ADAMTS3: variants seen among roughly 807,000 people sequenced by gnomAD.
The protein encoded by ADAMTS3 is A disintegrin and metalloproteinase with thrombospondin motifs 3.
In ADAMTS3, 73 loss-of-function variants were observed where a neutral mutation model predicts 129.0. The ratio of observed to expected loss-of-function variants is 0.57; its 90% confidence interval spans 0.47 to 0.69. The LOEUF is 0.69. ADAMTS3 is among the 30% of genes least tolerant of loss of function. The pLI, the probability that ADAMTS3 is intolerant of heterozygous loss-of-function variation, is 0.00. For synonymous variants in ADAMTS3, 477 were observed against 510.8 expected (o/e 0.93, Z 0.89); for missense variants, 1,457 against 1,514.5 (o/e 0.96, Z 0.63).
intron 3 of ADAMTS3, among the ~76,000 whole-genome samples, chr4:72,534,210 C>A (rs1156860637): frequency 1.3e-5 from 2 of 152,204 alleles, no homozygotes; most frequent in Admixed American, 1.3e-4. Context: ...GCCTGCAGTC[C>A]AAGCTACTCA....
At chr4:72,347,243 C>A (rs1281008743) in intron 4 of ADAMTS3, among the ~76,000 whole-genome samples, 1 of 151,120 alleles carries the variant, frequency 6.6e-6, no homozygotes, top group Non-Finnish European at 1.5e-5. Flanking sequence ...TTTCACAAAC[C>A]AATAAACTAC....
intron 3 of ADAMTS3, among the ~76,000 whole-genome samples, chr4:72,539,684 G>A (rs1721273845): frequency 6.6e-6 from 1 of 152,052 alleles, no homozygotes; most frequent in Non-Finnish European, 1.5e-5. Flanking sequence ...GAACCTGGTG[G>A]GAGGTGACTG....
chr4:72,565,397 ATTTCACCAAATCTCCAGG>A (rs1218445202), intron 2 of ADAMTS3, among the ~76,000 whole-genome samples: 1 of 152,212 alleles, frequency 6.6e-6, no homozygotes, highest in Non-Finnish European at 1.5e-5. Context: ...TCAGGAGTGC[ATTTCACCAAATCTCCAGG>A]TTAGCAGTGT....
chr4:72,289,336 T>C (rs1718598790), intron 20 of ADAMTS3, among the ~76,000 whole-genome samples: 1 of 152,184 alleles, frequency 6.6e-6, no homozygotes, highest in Admixed American at 6.5e-5. Context: ...GTATTGACAG[T>C]CCTCACTTCT....
intron 3 of ADAMTS3, among the ~76,000 whole-genome samples, chr4:72,513,791 T>C (rs751458466): frequency 3.9e-5 from 6 of 152,142 alleles, no homozygotes; most frequent in South Asian, 2.1e-4. Flanking sequence ...ATCACCCACA[T>C]AGAGAACATT....
chr4:72,325,252 T>C (rs1217939548), intron 5 of ADAMTS3, among the ~76,000 whole-genome samples: 1 of 152,122 alleles, frequency 6.6e-6, no homozygotes, highest in Non-Finnish European at 1.5e-5. Flanking sequence ...AAAAAGTCAA[T>C]GTTAGACAAA....
At chr4:72,539,829 C>T (rs1051170703) in intron 3 of ADAMTS3, among the ~76,000 whole-genome samples, 2 of 152,184 alleles carry the variant, frequency 1.3e-5, no homozygotes, top group Non-Finnish European at 2.9e-5. Flanking sequence ...ATGTGACTTG[C>T]TCCTCCTTGC....
chr4:72,552,674 G>C (rs910466026), intron 2 of ADAMTS3, among the ~76,000 whole-genome samples: 1 of 152,126 alleles, frequency 6.6e-6, no homozygotes. Context: ...AGGGCTTGAA[G>C]CTGGGGATTC....
chr4:72,314,122 A>T lies in ADAMTS3; in HGVS notation c.1600-300T>A, dbSNP rs114871815. ...TATAATCAATAAGAACTCTTTGAGC[A>T]CCCAGCTTGCACAGTTGGTAAGATT... is the stretch of plus-strand genomic sequence containing the variant. On this transcript the variant is annotated intron_variant, in intron 11 of 21. Transcript: ENST00000286657. Among the ~76,000 whole-genome samples the T allele has an allele frequency of 6.1e-3, 922 of 152,240 alleles. 3 individuals are homozygous for T. The highest frequency in any genetic ancestry group is 0.021 in the African/African-American group (879 of 41,548).
At chr4:72,315,458 G>A (rs1337334558) in intron 11 of ADAMTS3, among the ~76,000 whole-genome samples, 3 of 152,184 alleles carry the variant, frequency 2.0e-5, no homozygotes, top group African/African-American at 4.8e-5. Flanking sequence ...TGTGGCCACA[G>A]AAGCAGAAAC....
chr4:72,429,870 C>T (rs962771021), intron 3 of ADAMTS3, among the ~76,000 whole-genome samples: 1 of 151,922 alleles, frequency 6.6e-6, no homozygotes. Context: ...TCAACATCTC[C>T]TGGACAGTGT....
chr4:72,297,330 A>G (rs1161072229), intron 18 of ADAMTS3, among the ~76,000 whole-genome samples: 1 of 152,140 alleles, frequency 6.6e-6, no homozygotes, highest in Admixed American at 6.6e-5. Context: ...GGAGGGTCCA[A>G]ATTAAATAAG....
intron 4 of ADAMTS3, among the ~76,000 whole-genome samples, chr4:72,360,284 G>A (rs1043109413): frequency 3.3e-5 from 5 of 151,968 alleles, no homozygotes; most frequent in Non-Finnish European, 5.9e-5. Context: ...TAGTCATGAC[G>A]AAGCTTAAAT....
At chr4:72,379,519 A>G (rs1190676285) in intron 4 of ADAMTS3, among the ~76,000 whole-genome samples, 1 of 152,126 alleles carries the variant, frequency 6.6e-6, no homozygotes, top group Non-Finnish European at 1.5e-5. Context: ...TGGCACTAAC[A>G]GTCCATGATT....
chr4:72,529,758 ATAT>A (rs1021616740), intron 3 of ADAMTS3, among the ~76,000 whole-genome samples: 2 of 108,334 alleles, frequency 1.8e-5, no homozygotes, highest in Non-Finnish European at 3.5e-5. Flanking sequence ...ATTGTATATA[ATAT>A]TAATATATGT....
intron 2 of ADAMTS3, among the ~76,000 whole-genome samples, chr4:72,563,784 TATA>T (rs764710319): frequency 6.6e-6 from 1 of 152,160 alleles, no homozygotes; most frequent in Non-Finnish European, 1.5e-5. Flanking sequence ...TAAACCTTAA[TATA>T]ATAATATCCT....
At chr4:72,526,389 T>A (rs908521989) in intron 3 of ADAMTS3, among the ~76,000 whole-genome samples, 29 of 152,228 alleles carry the variant, frequency 1.9e-4, no homozygotes, top group Admixed American at 3.9e-4. Context: ...ACAGCTCAGT[T>A]CCACTTATTA....
rs568896512 is a variant in ADAMTS3, at chr4:72,307,429, C to T, written c.2180-1362G>A. 2.0e-5 allele frequency among the ~76,000 whole-genome samples: 3 copies of T among 152,164 alleles called. No homozygotes were observed. In the East Asian group the frequency reaches 5.8e-4, roughly 29 times the overall value. On this transcript the variant is annotated intron_variant, in intron 15 of 21. Transcript: ENST00000286657. ...TACAACTTACCCAGTACGTTTTTAGCTTCTCTTGTTTCAGCAAGAGAAATA... is the reference window on the plus strand; with the variant it reads ...TACAACTTACCCAGTACGTTTTTAGTTTCTCTTGTTTCAGCAAGAGAAATA...
At chr4:72,356,583 C>A (rs551238644) in intron 4 of ADAMTS3, among the ~76,000 whole-genome samples, 1 of 151,448 alleles carries the variant, frequency 6.6e-6, no homozygotes, top group African/African-American at 2.4e-5. Flanking sequence ...TAAATATGAA[C>A]GCTGATTTAT....
Sources: gnomAD v4.1 joint callset for allele counts (sites outside exome capture counted in the v4.1 genomes callset) on GRCh38, gnomAD v4.1.1 for gene constraint, MANE v1.5 for transcripts, NCBI Gene and HGNC (gene_info 2026-07-23, HGNC 2026-07-21) for gene names.